KCNH7: variants seen among roughly 807,000 people sequenced by gnomAD.
The protein encoded by KCNH7 is potassium voltage-gated channel subfamily H member 7, also known as voltage-gated inwardly rectifying potassium channel KCNH7.
In KCNH7, 49 loss-of-function variants were observed where a neutral mutation model predicts 120.8. The observed-to-expected ratio is 0.41, with a 90% CI of 0.32 to 0.51. The LOEUF (loss-of-function observed/expected upper bound fraction) is 0.51, where lower values mean the gene tolerates loss of function less well. KCNH7 is among the 20% of genes least tolerant of loss of function. The pLI, the probability that KCNH7 is intolerant of heterozygous loss-of-function variation, is 0.38. For synonymous variants in KCNH7, 547 were observed against 516.1 expected (o/e 1.06, Z -0.81); for missense variants, 1,097 against 1,446.6 (o/e 0.76, Z 3.92).
intron 2 of KCNH7, among the ~76,000 whole-genome samples, chr2:162,818,492 G>A (rs2105585898): frequency 6.6e-6 from 1 of 152,164 alleles, no homozygotes; most frequent in East Asian, 1.9e-4. Flanking sequence ...TGGCTTTACA[G>A]TAATTCTTAA....
intron 2 of KCNH7, among the ~76,000 whole-genome samples, chr2:162,737,614 A>C (rs1339314759): frequency 6.6e-6 from 1 of 152,220 alleles, no homozygotes; most frequent in Non-Finnish European, 1.5e-5. Flanking sequence ...CAGGAAAATT[A>C]TATTAATGAC....
intron 4 of KCNH7, among the ~76,000 whole-genome samples, chr2:162,513,279 C>G: frequency 7.6e-6 from 1 of 131,762 alleles, no homozygotes; most frequent in Admixed American, 7.9e-5. Flanking sequence ...CCCTCCTTCC[C>G]TCCTTCCCTC....
intron 2 of KCNH7, among the ~76,000 whole-genome samples, chr2:162,591,844 A>G (rs1174993606): frequency 6.6e-6 from 1 of 152,078 alleles, no homozygotes; most frequent in Non-Finnish European, 1.5e-5. Flanking sequence ...GAGTCAATAC[A>G]CCGGTTCTTC....
intron 5 of KCNH7, among the ~76,000 whole-genome samples, chr2:162,511,867 A>G (rs1691090679): frequency 6.6e-6 from 1 of 151,852 alleles, no homozygotes; most frequent in South Asian, 2.1e-4. Flanking sequence ...CACAATCACC[A>G]TTTGCACACC....
intron 10 of KCNH7, among the ~76,000 whole-genome samples, chr2:162,399,673 T>C (rs774717750): frequency 1.5e-4 from 23 of 152,044 alleles, no homozygotes; most frequent in Non-Finnish European, 2.2e-4. Context: ...GGTTGTTAAG[T>C]TTATAGGTCT....
At chr2:162,724,200 C>G (rs1687431959) in intron 2 of KCNH7, among the ~76,000 whole-genome samples, 1 of 152,120 alleles carries the variant, frequency 6.6e-6, no homozygotes, top group African/African-American at 2.4e-5. Context: ...ACAATGAATA[C>G]AGTAGCCTCC....
chr2:162,615,340 T>C (rs1410445947), intron 2 of KCNH7, among the ~76,000 whole-genome samples: 1 of 152,224 alleles, frequency 6.6e-6, no homozygotes, highest in Non-Finnish European at 1.5e-5. Context: ...TCAAACATTG[T>C]CTACAAATAT....
chr2:162,757,922 T>C (rs1688843017), intron 2 of KCNH7, among the ~76,000 whole-genome samples: 1 of 152,158 alleles, frequency 6.6e-6, no homozygotes, highest in African/African-American at 2.4e-5. Context: ...CTGAGATATA[T>C]TCCTTATTCT....
chr2:162,460,093 C>CAAAAAA (rs575038181), intron 6 of KCNH7, among the ~76,000 whole-genome samples: 4 of 47,932 alleles, frequency 8.3e-5, no homozygotes, highest in Admixed American at 1.9e-4. Flanking sequence ...GACTCCATCT[C>CAAAAAA]AAAAAAAAAA....
chr2:162,838,732 C>G lies in KCNH7; in HGVS notation c.-214G>C. 5.5e-6 allele frequency: 2 copies of G among 361,712 alleles called. No individual in the cohort carries two copies. The highest frequency in any genetic ancestry group is 1.2e-4 in the South Asian group (2 of 17,316). 22.4% of individuals were successfully genotyped at this position (361,712 alleles called of 1,614,324 possible). On this transcript the variant is annotated 5_prime_UTR_variant, in exon 1 of 16. Transcript: ENST00000332142. Reference sequence around the variant, plus strand: ...TCCCCTCACCTTCCGGAGGGGGCCTCGCACCGGACTGCCGCGGGTGAGAGG... The same window carrying G: ...TCCCCTCACCTTCCGGAGGGGGCCTGGCACCGGACTGCCGCGGGTGAGAGG...
At chr2:162,437,707 A>G (rs1688289839) in intron 7 of KCNH7, among the ~76,000 whole-genome samples, 1 of 151,962 alleles carries the variant, frequency 6.6e-6, no homozygotes, top group Non-Finnish European at 1.5e-5. Flanking sequence ...ATAAACAGGA[A>G]CTCTATGTTT....
At chr2:162,516,106 C>G (rs144427008) in intron 4 of KCNH7, among the ~76,000 whole-genome samples, 2 of 151,728 alleles carry the variant, frequency 1.3e-5, no homozygotes, top group Non-Finnish European at 2.9e-5. Context: ...CAATATTTAT[C>G]GCGTATCTGC....
intron 2 of KCNH7, among the ~76,000 whole-genome samples, chr2:162,615,430 C>G (rs1444949094): frequency 6.6e-6 from 1 of 152,046 alleles, no homozygotes; most frequent in Non-Finnish European, 1.5e-5. Context: ...ATATATTGGT[C>G]AAGGGATTCA....
intron 6 of KCNH7, among the ~76,000 whole-genome samples, chr2:162,503,718 T>C (rs1162735048): frequency 6.6e-6 from 1 of 152,068 alleles, no homozygotes; most frequent in African/African-American, 2.4e-5. Context: ...TAAGCAAATA[T>C]ACCGAGTAAA....
At chr2:162,634,301 T>C (rs962657273) in intron 2 of KCNH7, among the ~76,000 whole-genome samples, 5 of 152,028 alleles carry the variant, frequency 3.3e-5, no homozygotes, top group Non-Finnish European at 7.4e-5. Context: ...TCTTTCTTTG[T>C]ATAGGTAACA....
chr2:162,714,807 T>C (rs974034321), intron 2 of KCNH7, among the ~76,000 whole-genome samples: 11 of 152,172 alleles, frequency 7.2e-5, no homozygotes, highest in Non-Finnish European at 1.0e-4. Context: ...TGAAACAAAA[T>C]ATTATCCTTA....
intron 2 of KCNH7, among the ~76,000 whole-genome samples, chr2:162,831,659 A>G (rs558717345): frequency 6.6e-6 from 1 of 152,298 alleles, no homozygotes; most frequent in South Asian, 2.1e-4. Flanking sequence ...CCAAACAACA[A>G]CAGCAACAAA....
rs140427944 is a variant in KCNH7, at chr2:162,656,036, A to G, written c.308-118956T>C. ...CTATGTACATCTACAATCACTTAAA[A>G]TTATTACTTTATGTGTCAAGCCCTT... On this transcript the variant is annotated intron_variant, in intron 2 of 15. Transcript: ENST00000332142. Among the ~76,000 whole-genome samples, 981 of 152,322 alleles carry G rather than the reference A, an allele frequency of 6.4e-3. 15 individuals carry two copies. Among genetic ancestry groups the G allele is most frequent in the African/African-American group, 0.022 (925 of 41,574 alleles).
At chr2:162,586,094 T>C (rs1694011638) in intron 2 of KCNH7, among the ~76,000 whole-genome samples, 1 of 152,092 alleles carries the variant, frequency 6.6e-6, no homozygotes, top group Admixed American at 6.6e-5. Flanking sequence ...TTGTGACAGA[T>C]TATTAAATGT....
Sources: gnomAD v4.1 joint callset for allele counts (sites outside exome capture counted in the v4.1 genomes callset) on GRCh38, gnomAD v4.1.1 for gene constraint, MANE v1.5 for transcripts, NCBI Gene and HGNC (gene_info 2026-07-23, HGNC 2026-07-21) for gene names.